ARID2: variants seen among roughly 807,000 people sequenced by gnomAD.
ARID2 encodes AT-rich interactive domain-containing protein 2.
Under a neutral mutation model 184.6 loss-of-function variants are expected in ARID2, and 32 were observed. That is an observed-to-expected ratio of 0.17 (90% confidence interval 0.13 to 0.23). The LOEUF (loss-of-function observed/expected upper bound fraction) is 0.23. ARID2 is among the 10% of genes least tolerant of loss of function. The probability of loss-of-function intolerance (pLI) is 1.00; values close to 1 mark genes in which losing one functional copy is unlikely to be tolerated. For missense variants in ARID2, 1,696 were observed against 2,197.6 expected (o/e 0.77, Z 4.56); for synonymous variants, 836 against 772.6 (o/e 1.08, Z -1.36).
At chr12:45,783,836 T>A (rs1394763926) in intron 3 of ARID2, among the ~76,000 whole-genome samples, 1 of 151,752 alleles carries the variant, frequency 6.6e-6, no homozygotes, top group Non-Finnish European at 1.5e-5. Flanking sequence ...CAATCTCAGG[T>A]GTTCTGTTTT....
chr12:45,837,853 T>A (rs1943249007), intron 10 of ARID2, 146 bp downstream of exon 10: 1 of 610,166 alleles, frequency 1.6e-6, no homozygotes, highest in Admixed American at 3.3e-5. Flanking sequence ...TTTCCATTAT[T>A]CTTTATTATG....
At chr12:45,898,448 GT>G (rs1944399365) in intron 20 of ARID2, among the ~76,000 whole-genome samples, 1 of 152,168 alleles carries the variant, frequency 6.6e-6, no homozygotes, top group Non-Finnish European at 1.5e-5. Flanking sequence ...TGTTATGTAT[GT>G]TTTACCACAA....
intron 3 of ARID2, among the ~76,000 whole-genome samples, chr12:45,787,218 C>CTT (rs1273672108): frequency 5.8e-5 from 8 of 136,784 alleles, no homozygotes; most frequent in Non-Finnish European, 3.2e-5. Flanking sequence ...TATTTCTTTT[C>CTT]TTTTTTTTTT....
chr12:45,837,042 T>C (rs1248139085), intron 8 of ARID2, 51 bp downstream of exon 8: 2 of 1,570,772 alleles, frequency 1.3e-6, no homozygotes, highest in African/African-American at 1.4e-5. Flanking sequence ...GCAACATTTA[T>C]GTTACAATTT....
intron 3 of ARID2, among the ~76,000 whole-genome samples, chr12:45,765,993 A>G (rs1178513710): frequency 1.3e-5 from 2 of 152,146 alleles, no homozygotes; most frequent in African/African-American, 4.8e-5. Context: ...TCATATAGCA[A>G]AGTTCATTTT....
chr12:45,754,770 T>G (rs1941534894), intron 3 of ARID2, among the ~76,000 whole-genome samples: 1 of 152,246 alleles, frequency 6.6e-6, no homozygotes, highest in Non-Finnish European at 1.5e-5. Context: ...AGGTAGGGAC[T>G]TAGTATTGTG....
intron 6 of ARID2, among the ~76,000 whole-genome samples, chr12:45,836,329 C>T (rs1943219829): frequency 6.6e-6 from 1 of 152,202 alleles, no homozygotes; most frequent in Non-Finnish European, 1.5e-5. Flanking sequence ...CCTGCCTCAG[C>T]CTCCCAAGTA....
intron 16 of ARID2, among the ~76,000 whole-genome samples, chr12:45,883,655 T>C (rs1447793695): frequency 6.6e-6 from 1 of 151,328 alleles, no homozygotes; most frequent in Non-Finnish European, 1.5e-5. Context: ...GAGTAAACAA[T>C]TATGTAGTAT....
intron 3 of ARID2, among the ~76,000 whole-genome samples, chr12:45,750,217 G>C (rs943510238): frequency 9.9e-5 from 15 of 152,110 alleles, no homozygotes; most frequent in African/African-American, 3.4e-4. Flanking sequence ...TCAGGGTATA[G>C]GGATGCCCAA....
intron 20 of ARID2, among the ~76,000 whole-genome samples, chr12:45,902,454 CT>C (rs1045057502): frequency 6.6e-6 from 1 of 151,678 alleles, no homozygotes; most frequent in African/African-American, 2.4e-5. Context: ...AAACTAAAGT[CT>C]TTTTTCTTTC....
chr12:45,787,981 A>G (rs895751884), intron 3 of ARID2, among the ~76,000 whole-genome samples: 2 of 152,202 alleles, frequency 1.3e-5, no homozygotes, highest in African/African-American at 4.8e-5. Context: ...TTTTCTATTT[A>G]AATTGACGGA....
At chr12:45,747,822 T>C (rs1323537044) in intron 3 of ARID2, among the ~76,000 whole-genome samples, 1 of 152,192 alleles carries the variant, frequency 6.6e-6, no homozygotes. Flanking sequence ...TTAAGTAAAA[T>C]AGACACTAAT....
At chr12:45,759,846 G>A (rs1401780534) in intron 3 of ARID2, among the ~76,000 whole-genome samples, 7 of 152,104 alleles carry the variant, frequency 4.6e-5, no homozygotes, top group Non-Finnish European at 7.3e-5. Flanking sequence ...GCATGCAAGC[G>A]CGTGCCTGGC....
At chr12:45,821,753 C>G (rs1187785441) in intron 6 of ARID2, among the ~76,000 whole-genome samples, 1 of 152,132 alleles carries the variant, frequency 6.6e-6, no homozygotes, top group Non-Finnish European at 1.5e-5. Flanking sequence ...CTCTTCTCAA[C>G]TGGGATTCTG....
At chr12:45,731,095 C>T in intron 2 of ARID2, 122 bp from the exon 3 acceptor site, 2 of 710,256 alleles carry the variant, frequency 2.8e-6, no homozygotes, top group Non-Finnish European at 4.9e-6. Flanking sequence ...CCGATCGATC[C>T]GAAACACCCA....
intron 16 of ARID2, among the ~76,000 whole-genome samples, chr12:45,886,034 A>T (rs1944182132): frequency 6.6e-6 from 1 of 152,170 alleles, no homozygotes; most frequent in Non-Finnish European, 1.5e-5. Context: ...GTCTGAGCTC[A>T]TTCCATCATT....
chr12:45,761,638 A>G (rs1193240939), intron 3 of ARID2, among the ~76,000 whole-genome samples: 2 of 151,958 alleles, frequency 1.3e-5, no homozygotes, highest in African/African-American at 2.4e-5. Flanking sequence ...TCCTCTTGCT[A>G]GAAGCTTTTA....
intron 3 of ARID2, among the ~76,000 whole-genome samples, chr12:45,757,590 A>C (rs1941593516): frequency 6.6e-6 from 1 of 152,244 alleles, no homozygotes; most frequent in Admixed American, 6.5e-5. Flanking sequence ...TGATTGAGAA[A>C]AAAGGAGAAG....
intron 3 of ARID2, among the ~76,000 whole-genome samples, chr12:45,733,414 A>C (rs537072761): frequency 6.6e-6 from 1 of 152,350 alleles, no homozygotes; most frequent in African/African-American, 2.4e-5. Context: ...TTGGCTCTTC[A>C]TAGTAAGAAA....
Sources: gnomAD v4.1 joint callset for allele counts (sites outside exome capture counted in the v4.1 genomes callset) on GRCh38, gnomAD v4.1.1 for gene constraint, MANE v1.5 for transcripts, NCBI Gene and HGNC (gene_info 2026-07-23, HGNC 2026-07-21) for gene names.